The following DGKB variants were observed in gnomAD, a reference collection of about 807,000 sequenced individuals.
DGKB encodes the protein diacylglycerol kinase beta.
In DGKB, 67 loss-of-function variants were observed where a neutral mutation model predicts 114.3. That is an observed-to-expected ratio of 0.59 (90% CI 0.48 to 0.72). The LOEUF is 0.72. DGKB is among the 30% of genes least tolerant of loss of function. The probability of loss-of-function intolerance (pLI) is 0.00; values close to 1 mark genes in which losing one functional copy is unlikely to be tolerated. For synonymous variants in DGKB, 398 were observed against 323.1 expected (o/e 1.23, Z -2.49); for missense variants, 907 against 975.2 (o/e 0.93, Z 0.93).
intron 1 of DGKB, among the ~76,000 whole-genome samples, chr7:14,966,050 T>G (rs1787128768): frequency 6.6e-6 from 1 of 152,094 alleles, no homozygotes; most frequent in Non-Finnish European, 1.5e-5. Flanking sequence ...ATTTCAAAAT[T>G]TCTTAAACTT....
intron 25 of DGKB, among the ~76,000 whole-genome samples, chr7:14,166,565 C>T (rs1784634362): frequency 6.6e-6 from 1 of 152,180 alleles, no homozygotes; most frequent in African/African-American, 2.4e-5. Flanking sequence ...GTGTGGGTTC[C>T]AATTTCAGTT....
intron 23 of DGKB, among the ~76,000 whole-genome samples, chr7:14,278,840 A>ATGTT (rs1374886397): frequency 2.0e-5 from 3 of 152,200 alleles, no homozygotes; most frequent in Admixed American, 6.5e-5. Flanking sequence ...AGTGGGTAAA[A>ATGTT]TGTTTATTAT....
intron 21 of DGKB, among the ~76,000 whole-genome samples, chr7:14,430,767 G>C (rs1294349714): frequency 6.6e-6 from 1 of 152,110 alleles, no homozygotes; most frequent in Non-Finnish European, 1.5e-5. Flanking sequence ...ACATTTCTGA[G>C]TAATTTCATT....
intron 1 of DGKB, among the ~76,000 whole-genome samples, chr7:14,965,206 T>A: frequency 6.6e-6 from 1 of 152,278 alleles, no homozygotes; most frequent in East Asian, 1.9e-4. Flanking sequence ...TATATTGGTT[T>A]ATACTTGAAT....
At chr7:14,709,139 T>G (rs982973764) in intron 6 of DGKB, among the ~76,000 whole-genome samples, 1 of 150,742 alleles carries the variant, frequency 6.6e-6, no homozygotes, top group African/African-American at 2.5e-5. Context: ...AACAACCCCA[T>G]CAAAAAGTGG....
intron 3 of DGKB, among the ~76,000 whole-genome samples, chr7:14,757,251 G>A (rs886548582): frequency 6.6e-6 from 1 of 152,026 alleles, no homozygotes; most frequent in Non-Finnish European, 1.5e-5. Context: ...GTCATAGACT[G>A]AGAGCCAAGC....
At position 14,397,810 on chromosome 7, in the gene DGKB, A is replaced by G. The variant is rs573227322; in HGVS notation, c.1836-52419T>C. ...GTAATTTAAGCATTTTTCATTATGA[A>G]TGCTTTCTTATGTCAAGTATAGTAT... On this transcript the variant is annotated intron_variant, in intron 21 of 25. Transcript: ENST00000402815. Among the ~76,000 whole-genome samples the G allele has an allele frequency of 3.3e-5, 5 of 152,210 alleles. No individual in the cohort carries two copies. In the South Asian group the frequency reaches 1.0e-3, roughly 32 times the overall value.
chr7:14,893,181 C>T (rs1309705258), intron 1 of DGKB, among the ~76,000 whole-genome samples: 4 of 151,352 alleles, frequency 2.6e-5, no homozygotes, highest in South Asian at 2.1e-4. Flanking sequence ...CCTACTCACT[C>T]AACAAGTTTT....
chr7:14,713,299 G>A (rs1201000878), intron 6 of DGKB, among the ~76,000 whole-genome samples: 2 of 151,926 alleles, frequency 1.3e-5, no homozygotes, highest in Non-Finnish European at 2.9e-5. Flanking sequence ...AGCATTATAT[G>A]ATATATGTTA....
intron 2 of DGKB, among the ~76,000 whole-genome samples, chr7:14,809,146 G>A (rs1278490719): frequency 1.3e-5 from 2 of 151,988 alleles, no homozygotes; most frequent in African/African-American, 4.8e-5. Flanking sequence ...AGCAACATGT[G>A]ATCAGAATAT....
At chr7:14,821,007 G>T (rs1305864365) in intron 2 of DGKB, among the ~76,000 whole-genome samples, 1 of 152,032 alleles carries the variant, frequency 6.6e-6, no homozygotes, top group Non-Finnish European at 1.5e-5. Flanking sequence ...CTAGGAACAT[G>T]TTTCACCAGA....
At chr7:14,944,466 T>A (rs73058990) in intron 1 of DGKB, among the ~76,000 whole-genome samples, 19,098 of 151,990 alleles carry the variant, frequency 0.13, 1,311 homozygotes, top group Admixed American at 0.19. Context: ...AAGTTCATAA[T>A]CACATTTGCC....
chr7:14,799,684 T>C (rs955956549), intron 2 of DGKB, among the ~76,000 whole-genome samples: 2 of 152,164 alleles, frequency 1.3e-5, no homozygotes, highest in Non-Finnish European at 2.9e-5. Flanking sequence ...TTTGGATGTG[T>C]TACCTCAGCT....
intron 1 of DGKB, among the ~76,000 whole-genome samples, chr7:14,919,951 T>C (rs1562876122): frequency 6.6e-6 from 1 of 152,160 alleles, no homozygotes; most frequent in Non-Finnish European, 1.5e-5. Context: ...CTATGCTTCT[T>C]GTACAGTCTG....
At chr7:14,694,289 A>G in intron 8 of DGKB, 95 bp from the exon 9 acceptor site, 4 of 1,102,914 alleles carry the variant, frequency 3.6e-6, no homozygotes. Flanking sequence ...AGCTAAGTGG[A>G]GAGTTGGGAT....
At chr7:14,923,553 C>T (rs928843065) in intron 1 of DGKB, among the ~76,000 whole-genome samples, 1 of 152,162 alleles carries the variant, frequency 6.6e-6, no homozygotes, top group Non-Finnish European at 1.5e-5. Context: ...TTCTCCTTTT[C>T]CTTTTCTGTA....
At chr7:14,284,209 C>T in intron 23 of DGKB, among the ~76,000 whole-genome samples, 1 of 150,370 alleles carries the variant, frequency 6.7e-6, no homozygotes, top group Non-Finnish European at 1.5e-5. Flanking sequence ...AGGACATGAA[C>T]AGACACTTCT....
At chr7:14,730,926 A>T (rs929321658) in intron 5 of DGKB, among the ~76,000 whole-genome samples, 2 of 152,190 alleles carry the variant, frequency 1.3e-5, no homozygotes, top group Non-Finnish European at 2.9e-5. Context: ...CCCAGGAGTA[A>T]TATAATCAGG....
At chr7:14,253,435 C>A (rs1194625833) in intron 23 of DGKB, among the ~76,000 whole-genome samples, 1 of 152,160 alleles carries the variant, frequency 6.6e-6, no homozygotes, top group African/African-American at 2.4e-5. Context: ...GTGATCTCCT[C>A]TACATCTCCA....
Sources: gnomAD v4.1 joint callset for allele counts (sites outside exome capture counted in the v4.1 genomes callset) on GRCh38, gnomAD v4.1.1 for gene constraint, MANE v1.5 for transcripts, NCBI Gene and HGNC (gene_info 2026-07-23, HGNC 2026-07-21) for gene names.